MPHOSPH9: variants seen among roughly 807,000 people sequenced by gnomAD.
The protein encoded by MPHOSPH9 is M-phase phosphoprotein 9.
A neutral mutation model predicts 145.5 loss-of-function variants in MPHOSPH9; 88 were observed. The observed-to-expected ratio is 0.60, with a 90% CI of 0.51 to 0.72. The LOEUF (loss-of-function observed/expected upper bound fraction) is 0.72, where lower values mean the gene tolerates loss of function less well. Ranked by LOEUF, MPHOSPH9 falls within the 30% of genes least tolerant of loss-of-function variation. MPHOSPH9 has a pLI of 0.00. For missense variants in MPHOSPH9, 1,238 were observed against 1,386.6 expected, an observed-to-expected ratio of 0.89 and a Z score of 1.70; for synonymous variants, 435 against 486.2, an observed-to-expected ratio of 0.89 and a Z score of 1.39.
intron 23 of MPHOSPH9, among the ~76,000 whole-genome samples, chr12:123,157,770 A>C (rs2043933625): frequency 6.6e-6 from 1 of 152,174 alleles, no homozygotes; most frequent in South Asian, 2.1e-4. Flanking sequence ...TATAGGCATA[A>C]GCCACTATAC....
chr12:123,205,624 T>C (rs2046394272), intron 8 of MPHOSPH9, among the ~76,000 whole-genome samples: 1 of 152,134 alleles, frequency 6.6e-6, no homozygotes, highest in African/African-American at 2.4e-5. Flanking sequence ...AAAGAAGCCT[T>C]TTCAAGACCT....
intron 11 of MPHOSPH9, among the ~76,000 whole-genome samples, chr12:123,201,363 A>C (rs918536045): frequency 6.6e-6 from 1 of 151,994 alleles, no homozygotes; most frequent in African/African-American, 2.4e-5. Flanking sequence ...ACCTGCATCG[A>C]TTTTCAATCT....
At chr12:123,166,453 AGCACAGGTGG>A (rs1209612612) in intron 17 of MPHOSPH9, 192 bp downstream of exon 17, 1 of 641,250 alleles carries the variant, frequency 1.6e-6, no homozygotes, top group Non-Finnish European at 2.7e-6. Flanking sequence ...TGTGCCACTG[AGCACAGGTGG>A]GGAAGCTTGG....
At chr12:123,190,662 T>C (rs1398510126) in intron 13 of MPHOSPH9, among the ~76,000 whole-genome samples, 2 of 152,174 alleles carry the variant, frequency 1.3e-5, no homozygotes, top group Non-Finnish European at 2.9e-5. Flanking sequence ...ATACAATTCA[T>C]ACATTGCTTA....
intron 13 of MPHOSPH9, among the ~76,000 whole-genome samples, chr12:123,193,829 T>TG (rs2045817226): frequency 2.0e-5 from 3 of 151,844 alleles, no homozygotes; most frequent in Non-Finnish European, 2.9e-5. Flanking sequence ...CACAGTTTTT[T>TG]TTTTTTTTTT....
chr12:123,160,484 T>C (rs1171244358), intron 23 of MPHOSPH9: 6 of 316,444 alleles, frequency 1.9e-5, no homozygotes, highest in Non-Finnish European at 2.9e-5. Flanking sequence ...ACTAACTTAG[T>C]GTAAAATCTG....
Position 123,194,540 on chromosome 12 carries a change from A to G in MPHOSPH9, c.2087T>C (p.Ile696Thr), listed in dbSNP as rs1321562301. 1.2e-6 allele frequency: 2 copies of G among 1,612,908 alleles called. No homozygotes were observed. The highest frequency in any genetic ancestry group is 8.5e-7 in the Non-Finnish European group (1 of 1,179,872). Residue 696 changes from isoleucine to threonine, a missense_variant, in exon 13 of 24, where the codon ATT becomes ACT. Coordinates refer to ENST00000606320, the MANE Select transcript of MPHOSPH9 (RefSeq NM_022782.4). ...SSASKILQER[I>T]EEMRTSSKEK... ...TTTACTGCTTGTTCTCATTTCTTCAATTCGTTCCTGCAAAATTTTGGAAGC... is the reference window on the plus strand; with the variant it reads ...TTTACTGCTTGTTCTCATTTCTTCAGTTCGTTCCTGCAAAATTTTGGAAGC...
chr12:123,215,179 T>C (rs1037305694), intron 6 of MPHOSPH9, among the ~76,000 whole-genome samples: 5 of 151,794 alleles, frequency 3.3e-5, no homozygotes, highest in Non-Finnish European at 4.4e-5. Context: ...GAGGCAGAGG[T>C]TGCAGTAAGC....
chr12:123,166,614 C>T (rs762093281), intron 17 of MPHOSPH9, 41 bp downstream of exon 17: 38 of 1,593,890 alleles, frequency 2.4e-5, no homozygotes, highest in Middle Eastern at 1.7e-4. Flanking sequence ...TCTAAGAAAA[C>T]ATAACATCCC....
chr12:123,188,710 T>G (rs2045554593), intron 13 of MPHOSPH9, among the ~76,000 whole-genome samples: 1 of 152,016 alleles, frequency 6.6e-6, no homozygotes, highest in Non-Finnish European at 1.5e-5. Flanking sequence ...TAGCCAGGCA[T>G]GGTGGTGCAC....
At chr12:123,204,527 T>C (rs1480438191) in intron 8 of MPHOSPH9, among the ~76,000 whole-genome samples, 3 of 152,144 alleles carry the variant, frequency 2.0e-5, no homozygotes, top group Non-Finnish European at 4.4e-5. Flanking sequence ...CTTCTCAGCC[T>C]TTTGGCTAAG....
chr12:123,178,353 G>A (rs1428134718), intron 15 of MPHOSPH9, among the ~76,000 whole-genome samples: 1 of 152,220 alleles, frequency 6.6e-6, no homozygotes, highest in African/African-American at 2.4e-5. Context: ...CACTAGAACT[G>A]AATGAATCAC....
chr12:123,206,906 C>G (rs1201882897), intron 8 of MPHOSPH9, among the ~76,000 whole-genome samples: 1 of 148,764 alleles, frequency 6.7e-6, no homozygotes, highest in Non-Finnish European at 1.5e-5. Flanking sequence ...GAGCAAGACT[C>G]CGTCTCAAAA....
At chr12:123,214,951 G>A in intron 6 of MPHOSPH9, 117 bp from the exon 7 acceptor site, 2 of 836,070 alleles carry the variant, frequency 2.4e-6, no homozygotes, top group Non-Finnish European at 1.9e-6. Context: ...AGGGTTCAAA[G>A]AAGAAAGCCT....
intron 17 of MPHOSPH9, chr12:123,166,351 C>T: frequency 3.0e-6 from 1 of 329,052 alleles, no homozygotes; most frequent in South Asian, 3.4e-5. Flanking sequence ...AAGCGATCCT[C>T]CACGTTGGCC....
At chr12:123,234,475 A>C (rs932049149), upstream of MPHOSPH9, among the ~76,000 whole-genome samples, 5 of 152,072 alleles carry the variant, frequency 3.3e-5, no homozygotes, top group Non-Finnish European at 5.9e-5. Context: ...GGCTCACTTT[A>C]ACCTCTGCCT....
intron 8 of MPHOSPH9, among the ~76,000 whole-genome samples, chr12:123,208,722 T>A (rs2046559631): frequency 6.6e-6 from 1 of 151,776 alleles, no homozygotes; most frequent in Admixed American, 6.6e-5. Flanking sequence ...CCATTTAATT[T>A]CACAAAACAC....
intron 1 of MPHOSPH9, chr12:123,240,622 A>C (rs1051539972): frequency 2.0e-5 from 3 of 152,032 alleles, no homozygotes; most frequent in East Asian, 1.9e-4. Flanking sequence ...TCAAAAAAAA[A>C]AAACAAACAG....
intron 5 of MPHOSPH9, among the ~76,000 whole-genome samples, chr12:123,219,350 G>A (rs11057198): frequency 6.6e-6 from 1 of 151,650 alleles, no homozygotes; most frequent in African/African-American, 2.4e-5. Context: ...TGTAATCCCA[G>A]CACTTTGGGA....
Sources: allele counts gnomAD v4.1 joint callset (sites outside exome capture counted in the v4.1 genomes callset), GRCh38; gene constraint gnomAD v4.1.1; transcripts MANE v1.5; gene names NCBI Gene and HGNC (gene_info 2026-07-23, HGNC 2026-07-21).